Variants in SPMAP2 observed in about 807,000 individuals in gnomAD.
SPMAP2 encodes Theg homolog.
At chr19:371,319 C>A in the SPMAP2 span, 1 of 1,461,868 alleles carries the variant, frequency 6.8e-7, no homozygotes, top group South Asian at 1.5e-5. Flanking sequence ...AGACAGGAGT[C>A]GTCCTGGGGG....
At chr19:364,480 A>G in the SPMAP2 span, among the ~76,000 whole-genome samples, 1 of 151,464 alleles carries the variant, frequency 6.6e-6, no homozygotes, top group East Asian at 1.9e-4. Flanking sequence ...TAGAGTTTTG[A>G]GGCCAGACTG....
chr19:376,025 CTG>C, the SPMAP2 span: 50 of 1,366,930 alleles, frequency 3.7e-5, no homozygotes, highest in African/African-American at 6.2e-4. Context: ...CCAAATGTGT[CTG>C]TGGTGGCCGC....
the SPMAP2 span, among the ~76,000 whole-genome samples, chr19:369,133 GTTTAAC>G: frequency 1.3e-5 from 2 of 152,172 alleles, no homozygotes; most frequent in African/African-American, 4.8e-5. Flanking sequence ...CTTTAAACAC[GTTTAAC>G]TTTAAACCCC....
the SPMAP2 span, chr19:367,179 G>T: frequency 2.5e-6 from 4 of 1,608,094 alleles, no homozygotes; most frequent in African/African-American, 1.3e-5. Context: ...TGGAGGATCC[G>T]CGAGCTGGGG....
chr19:373,934 A>G, the SPMAP2 span: 9 of 1,613,030 alleles, frequency 5.6e-6, no homozygotes, highest in South Asian at 9.9e-5. Context: ...ACAGCCCTGG[A>G]CTTACCAGCA....
chr19:375,194 G>A, the SPMAP2 span, among the ~76,000 whole-genome samples: 1 of 152,162 alleles, frequency 6.6e-6, no homozygotes, highest in South Asian at 2.1e-4. Context: ...AGTGCTGATT[G>A]GCCGAAGCGT....
chr19:371,041 C>G, the SPMAP2 span, among the ~76,000 whole-genome samples: 1 of 152,248 alleles, frequency 6.6e-6, no homozygotes. Context: ...CTGGGCGGCT[C>G]TGAAGACAGT....
chr19:373,722 A>C, the SPMAP2 span, among the ~76,000 whole-genome samples: 1 of 152,002 alleles, frequency 6.6e-6, no homozygotes, highest in African/African-American at 2.4e-5. Context: ...TGATGTCCAG[A>C]GAAGGAGGTA....
chr19:373,881 C>T, the SPMAP2 span: 1 of 1,539,860 alleles, frequency 6.5e-7, no homozygotes, highest in Non-Finnish European at 8.9e-7. Context: ...AAGGGGTCCC[C>T]TGGAACCTGA....
At chr19:375,513 CG>C in the SPMAP2 span, 1 of 864,352 alleles carries the variant, frequency 1.2e-6, no homozygotes, top group Non-Finnish European at 1.7e-6. Flanking sequence ...TAGGCTGACT[CG>C]GCAGGGCCGG....
At chr19:362,075 A>G in the SPMAP2 span, 2 of 608,192 alleles carry the variant, frequency 3.3e-6, no homozygotes, top group South Asian at 4.8e-5. Context: ...AAAAATAAAT[A>G]TTATTGTCCT....
the SPMAP2 span, chr19:362,270 A>AG: frequency 1.3e-6 from 2 of 1,595,284 alleles, no homozygotes; most frequent in Admixed American, 3.4e-5. Context: ...CATAGAGGCG[A>AG]GGGGACGCCT....
chr19:374,015 C>A, the SPMAP2 span: 2 of 1,612,886 alleles, frequency 1.2e-6, no homozygotes, highest in Non-Finnish European at 1.7e-6. Context: ...TCCCTTCCTG[C>A]GAGGAGACAG....
chr19:364,125 A>G, the SPMAP2 span, among the ~76,000 whole-genome samples: 3 of 150,814 alleles, frequency 2.0e-5, no homozygotes, highest in African/African-American at 4.9e-5. Context: ...CAAGGTCAGG[A>G]GATCGAGACC....
the SPMAP2 span, among the ~76,000 whole-genome samples, chr19:370,022 C>T: frequency 3.9e-5 from 6 of 152,208 alleles, no homozygotes; most frequent in African/African-American, 1.4e-4. Flanking sequence ...TCCCACTTCC[C>T]ACCCAAAGAA....
chr19:363,757 A>T, the SPMAP2 span, among the ~76,000 whole-genome samples: 19 of 150,814 alleles, frequency 1.3e-4, no homozygotes, highest in Non-Finnish European at 4.4e-5. Context: ...CTGGTCTCGA[A>T]CTCCTGACTT....
the SPMAP2 span, chr19:366,993 G>T: frequency 1.3e-6 from 2 of 1,513,144 alleles, no homozygotes; most frequent in Non-Finnish European, 1.8e-6. Flanking sequence ...CCCGCTCTAG[G>T]CAGAGGTATA....
At chr19:373,433 G>A in the SPMAP2 span, 60 of 1,604,776 alleles carry the variant, frequency 3.7e-5, no homozygotes, top group African/African-American at 2.5e-4. Flanking sequence ...GCCGGCAGCC[G>A]GGGGCAGGGG....
the SPMAP2 span, chr19:375,692 C>T: frequency 1.3e-6 from 2 of 1,597,900 alleles, no homozygotes; most frequent in Non-Finnish European, 1.7e-6. Flanking sequence ...CTTCCAAGTC[C>T]TTGTCCAGGA....
Sources: allele counts gnomAD v4.1 joint callset (sites outside exome capture counted in the v4.1 genomes callset), GRCh38; gene constraint gnomAD v4.1.1; transcripts MANE v1.5; gene names NCBI Gene and HGNC (gene_info 2026-07-23, HGNC 2026-07-21).